Variants in SYT1 observed in about 807,000 individuals in gnomAD.
SYT1 encodes synaptotagmin 1.
Under a neutral mutation model 44.8 loss-of-function variants are expected in SYT1, and 8 were observed. The ratio of observed to expected loss-of-function variants is 0.18; its 90% CI spans 0.10 to 0.32. The LOEUF is 0.32. Among genes scored for constraint, SYT1 ranks in the 10% least tolerant of loss-of-function variants. SYT1 has a pLI of 1.00. For synonymous variants in SYT1, 154 were observed against 188.8 expected, an observed-to-expected ratio of 0.82 and a Z score of 1.51; for missense variants, 286 against 509.3, an observed-to-expected ratio of 0.56 and a Z score of 4.22.
At chr12:79,027,961 TTGTC>T (rs1369200600) in intron 2 of SYT1, among the ~76,000 whole-genome samples, 1 of 151,516 alleles carries the variant, frequency 6.6e-6, no homozygotes. Context: ...GCATTTGAAC[TTGTC>T]TGTCTCTTTA....
chr12:78,984,712 CAG>C (rs1312865234), intron 2 of SYT1, among the ~76,000 whole-genome samples: 1 of 151,782 alleles, frequency 6.6e-6, no homozygotes, highest in Non-Finnish European at 1.5e-5. Context: ...ATCAAATATA[CAG>C]AAAATTAGAT....
intron 2 of SYT1, among the ~76,000 whole-genome samples, chr12:79,041,485 A>G (rs1873568870): frequency 1.3e-5 from 2 of 151,806 alleles, no homozygotes; most frequent in Non-Finnish European, 2.9e-5. Flanking sequence ...GTATCCTGAG[A>G]CTTTGCTGAA....
At chr12:78,865,194 T>C (rs965471851) in intron 1 of SYT1, 85 bp downstream of exon 1, 2 of 152,110 alleles carry the variant, frequency 1.3e-5, no homozygotes, top group African/African-American at 2.4e-5. Context: ...CTCGATACAC[T>C]TGGGTTTTAG....
chr12:78,931,236 AAAGAAGGAAGG>A lies in SYT1; in HGVS notation c.-216-46559_-216-46549del, dbSNP rs1565723458. On this transcript the variant is annotated intron_variant, in intron 1 of 10. Transcript: ENST00000261205. ...GAAAGAAAGAAAGAAAGAAAGAAAG[AAAGAAGGAAGG>A]AAGGAAGGAAGGAAGGAAGGAAGGA... 1.3e-3 allele frequency among the ~76,000 whole-genome samples: 75 copies of A among 58,690 alleles called. 1 individual carries two copies. The highest frequency in any genetic ancestry group is 5.9e-3 in the African/African-American group (58 of 9,906). 38.5% of individuals were successfully genotyped at this position (58,690 alleles called of 152,430 possible).
chr12:79,189,656 C>T (rs1418618098), intron 3 of SYT1, among the ~76,000 whole-genome samples: 1 of 152,136 alleles, frequency 6.6e-6, no homozygotes, highest in African/African-American at 2.4e-5. Flanking sequence ...GTAATCCCAG[C>T]ACTTTGGGAA....
intron 9 of SYT1, among the ~76,000 whole-genome samples, chr12:79,364,840 A>G (rs1883475619): frequency 6.6e-6 from 1 of 152,188 alleles, no homozygotes; most frequent in Non-Finnish European, 1.5e-5. Context: ...CATATACTAC[A>G]TATACATATG....
chr12:78,993,242 C>A (rs1166905810), intron 2 of SYT1, among the ~76,000 whole-genome samples: 1 of 152,308 alleles, frequency 6.6e-6, no homozygotes, highest in East Asian at 1.9e-4. Context: ...CTTATCAGAA[C>A]AACCAGGTGT....
intron 1 of SYT1, among the ~76,000 whole-genome samples, chr12:78,921,001 T>C (rs547690118): frequency 6.6e-6 from 1 of 152,046 alleles, no homozygotes; most frequent in East Asian, 1.9e-4. Context: ...CTCTGCATCA[T>C]CAGTTTTTTG....
chr12:79,009,921 A>G (rs1871312645), intron 2 of SYT1, among the ~76,000 whole-genome samples: 2 of 152,110 alleles, frequency 1.3e-5, no homozygotes, highest in African/African-American at 2.4e-5. Context: ...CTTTCCCCTC[A>G]TTGCTGTCAC....
chr12:79,210,975 C>G (rs1413502804), intron 3 of SYT1, among the ~76,000 whole-genome samples: 3 of 144,556 alleles, frequency 2.1e-5, no homozygotes, highest in Admixed American at 7.0e-5. Flanking sequence ...GGAAATTAAA[C>G]CTCTTCTGCA....
At chr12:79,034,046 C>T (rs1032592751) in intron 2 of SYT1, among the ~76,000 whole-genome samples, 21 of 151,380 alleles carry the variant, frequency 1.4e-4, no homozygotes, top group Admixed American at 1.3e-3. Context: ...TAAATTTATC[C>T]TGAAGGCAAG....
chr12:79,026,700 T>TATCA (rs1872564255), intron 2 of SYT1, among the ~76,000 whole-genome samples: 1 of 116,802 alleles, frequency 8.6e-6, no homozygotes, highest in African/African-American at 3.5e-5. Flanking sequence ...TATATATATA[T>TATCA]ATCACACTTT....
intron 3 of SYT1, among the ~76,000 whole-genome samples, chr12:79,048,032 A>G (rs1443096059): frequency 6.6e-6 from 1 of 151,944 alleles, no homozygotes; most frequent in African/African-American, 2.4e-5. Flanking sequence ...TAAATTTTGA[A>G]TATGTGAATA....
chr12:79,194,425 A>G (rs1873318875), intron 3 of SYT1, among the ~76,000 whole-genome samples: 1 of 150,678 alleles, frequency 6.6e-6, no homozygotes, highest in Non-Finnish European at 1.5e-5. Context: ...CTACACTCAG[A>G]AAGTCTGAAG....
At chr12:79,164,251 A>C (rs1312699223) in intron 3 of SYT1, among the ~76,000 whole-genome samples, 1 of 152,074 alleles carries the variant, frequency 6.6e-6, no homozygotes, top group Non-Finnish European at 1.5e-5. Context: ...ACTACTGCGG[A>C]GGACCACTTA....
intron 3 of SYT1, among the ~76,000 whole-genome samples, chr12:79,120,036 G>A (rs1413925065): frequency 6.6e-6 from 1 of 152,240 alleles, no homozygotes; most frequent in Admixed American, 6.5e-5. Flanking sequence ...ACATTTGCAT[G>A]CGAAGGCCTC....
rs139031047 is a variant in SYT1, at chr12:79,297,426, T to C, written c.642+1190T>C. On this transcript the variant is annotated intron_variant, in intron 7 of 10. Coordinates refer to ENST00000261205, the MANE Select transcript of SYT1 (RefSeq NM_005639.3). The stretch of plus-strand genomic sequence containing the variant: ...CACAGTTGTTTTATTCATCTATTTA[T>C]TAACCTTAACTTAGGTCAGCAGTTT... Among the ~76,000 whole-genome samples, 1,285 of 152,274 alleles carry C rather than the reference T, an allele frequency of 8.4e-3. 12 individuals are homozygous for C. The highest frequency in any genetic ancestry group is 0.029 in the African/African-American group (1,217 of 41,578).
intron 9 of SYT1, among the ~76,000 whole-genome samples, chr12:79,375,671 T>A (rs1883965081): frequency 6.6e-6 from 1 of 152,230 alleles, no homozygotes; most frequent in African/African-American, 2.4e-5. Context: ...CTCTTTGTTA[T>A]TCTCTATTCT....
chr12:79,444,339 T>A (rs559336129), intron 10 of SYT1, 133 bp downstream of exon 10: 7 of 1,129,978 alleles, frequency 6.2e-6, no homozygotes, highest in Non-Finnish European at 8.8e-6. Flanking sequence ...CCCATGCACA[T>A]TTGATGCTTG....
Sources: allele counts gnomAD v4.1 joint callset (sites outside exome capture counted in the v4.1 genomes callset), GRCh38; gene constraint gnomAD v4.1.1; transcripts MANE v1.5; gene names NCBI Gene and HGNC (gene_info 2026-07-23, HGNC 2026-07-21).